Variants in ANKRD35 observed in about 807,000 individuals in gnomAD.
ANKRD35 encodes the protein ankyrin repeat domain-containing protein 35.
A neutral mutation model predicts 109.9 loss-of-function variants in ANKRD35; 102 were observed. The observed-to-expected ratio is 0.93, with a 90% CI of 0.79 to 1.09. The LOEUF is 1.09. Ranked by LOEUF, ANKRD35 falls within the 50% of genes least tolerant of loss-of-function variation. The probability of loss-of-function intolerance (pLI) is 0.00; values close to 1 mark genes in which losing one functional copy is unlikely to be tolerated. For missense variants in ANKRD35, 1,240 were observed against 1,230.1 expected (o/e 1.01, Z -0.12); for synonymous variants, 515 against 512.4 (o/e 1.01, Z -0.07).
intron 10 of ANKRD35, among the ~76,000 whole-genome samples, chr1:145,871,167 T>C (rs1226338779): frequency 3.3e-5 from 4 of 121,958 alleles, no homozygotes; most frequent in Non-Finnish European, 5.2e-5. Flanking sequence ...TTTTTTTTTT[T>C]TTTTTTTTTT....
Position 145,872,809 on chromosome 1 carries a change from G to GCTGC in ANKRD35, c.1956_1959dup (p.Arg654AlafsTer27), listed in dbSNP as rs1313617106. The GCTGC allele has an allele frequency of 6.2e-7, 1 of 1,613,770 alleles. No homozygotes were observed. The highest frequency in any genetic ancestry group is 8.5e-7 in the Non-Finnish European group (1 of 1,179,932). ...GCCTGTGGCTTGGGCACAAACTCCC[G>GCTGC]CTGCAGCCGCTGGCTCAGGGACTGT... On this transcript the variant is annotated frameshift_variant, in exon 10 of 14. Transcript: ENST00000355594. LOFTEE classifies it high-confidence loss of function.
intron 7 of ANKRD35, 137 bp downstream of exon 7, chr1:145,876,003 G>A: frequency 2.9e-6 from 2 of 689,336 alleles, no homozygotes; most frequent in Middle Eastern, 2.4e-4. Context: ...GGGAAGGAAT[G>A]AGGTTCCCAA....
At chr1:145,869,828 A>G (rs1653744915) in intron 10 of ANKRD35, among the ~76,000 whole-genome samples, 1 of 152,222 alleles carries the variant, frequency 6.6e-6, no homozygotes, top group Non-Finnish European at 1.5e-5. Context: ...GTAATTTGTC[A>G]AAATCACACA....
At chr1:145,869,966 T>C (rs1653748051) in intron 10 of ANKRD35, among the ~76,000 whole-genome samples, 1 of 152,178 alleles carries the variant, frequency 6.6e-6, no homozygotes, top group Non-Finnish European at 1.5e-5. Flanking sequence ...AGATGAGTCC[T>C]TATGGCTTAT....
chr1:145,868,198 C>G (rs200198329), intron 11 of ANKRD35, 113 bp downstream of exon 11: 2 of 1,477,614 alleles, frequency 1.4e-6, no homozygotes, highest in East Asian at 4.5e-5. Context: ...CTAGCCAGGC[C>G]TCTGTAATTC....
intron 4 of ANKRD35, 149 bp from the exon 5 acceptor site, chr1:145,877,022 A>G (rs1654106766): frequency 1.4e-6 from 1 of 727,794 alleles, no homozygotes; most frequent in African/African-American, 1.7e-5. Flanking sequence ...AGCCCAGTTC[A>G]TCCATTGCTG....
At chr1:145,883,890 A>G (rs1303200970) in intron 1 of ANKRD35, among the ~76,000 whole-genome samples, 1 of 152,240 alleles carries the variant, frequency 6.6e-6, no homozygotes, top group Non-Finnish European at 1.5e-5. Flanking sequence ...TTCCAGCTAG[A>G]TAATTCTAAA....
At chr1:145,867,264 A>C in intron 13 of ANKRD35, 23 bp downstream of exon 13, 1 of 1,512,862 alleles carries the variant, frequency 6.6e-7, no homozygotes, top group South Asian at 1.1e-5. Flanking sequence ...TCCTTCCCTC[A>C]TCACCCTTAA....
chr1:145,868,269 T>C, intron 11 of ANKRD35, 42 bp downstream of exon 11: 1 of 1,595,568 alleles, frequency 6.3e-7, no homozygotes, highest in Non-Finnish European at 8.6e-7. Flanking sequence ...CTTCCACTGC[T>C]GACCTTCTTC....
At position 145,872,144 on chromosome 1, in the gene ANKRD35, G is replaced by A. The variant is rs1553738805; in HGVS notation, c.2625C>T (p.Ala875=). The part of the protein sequence containing the change: ...REVGRLREAV[A]EERRRSGDLA... Reference sequence around the variant, plus strand: ...GGTCCCCGCTCCGGCGGCGCTCCTCGGCCACCGCCTCCCGCAGCCGACCCA... The same window carrying A: ...GGTCCCCGCTCCGGCGGCGCTCCTCAGCCACCGCCTCCCGCAGCCGACCCA... Residue 875 remains alanine (A), a synonymous_variant, in exon 10 of 14, where the codon GCC becomes GCT. Transcript: ENST00000355594. 1.9e-6 allele frequency: 3 copies of A among 1,609,148 alleles called. No individual in the cohort carries two copies. The highest frequency in any genetic ancestry group is 1.1e-5 in the South Asian group (1 of 90,720).
At position 145,874,959 on chromosome 1, in the gene ANKRD35, T is replaced by C; in HGVS notation, c.608A>G (p.Glu203Gly). 3.7e-6 allele frequency: 6 copies of C among 1,612,826 alleles called. No individual in the cohort carries two copies. In the South Asian group the frequency reaches 6.6e-5, roughly 18 times the overall value. Residue 203 changes from glutamate to glycine, a missense_variant, in exon 8 of 14, where the codon GAA becomes GGA. Glu to Gly is a moderately conservative substitution (Grantham distance 98). Transcript: ENST00000355594. ...ACEKGSAEVA[E>G]LLLSHGADAG... The stretch of plus-strand genomic sequence containing the variant: ...GTCAGCTCCGTGGCTCAGGAGCAGT[T>C]CAGCCACCTCGGCACTGCCTTTCTC...
chr1:145,872,975 G>A lies in ANKRD35; in HGVS notation c.1794C>T (p.Ala598=), dbSNP rs368911005. 3.7e-6 allele frequency: 6 copies of A among 1,608,668 alleles called. No homozygotes were observed. Among genetic ancestry groups the A allele is most frequent in the Non-Finnish European group, 4.2e-6 (5 of 1,177,750 alleles). Residue 598 remains alanine (A), a synonymous_variant, in exon 10 of 14, where the codon GCC becomes GCT. Transcript: ENST00000355594. ...CTCCTAGGGCCTTTTCCCCTCCAAG[G>A]GCCCCTAGAGGCTCTCCTTGAGCCC... is the stretch of plus-strand genomic sequence containing the variant. ...VPGAQGEPLG[A]LGGEKALGGL...
intron 1 of ANKRD35, among the ~76,000 whole-genome samples, chr1:145,881,411 T>C (rs1047971000): frequency 3.3e-5 from 5 of 152,182 alleles, no homozygotes; most frequent in African/African-American, 1.2e-4. Flanking sequence ...CAGTCTCAAG[T>C]TGCCTCCAGG....
intron 10 of ANKRD35, among the ~76,000 whole-genome samples, chr1:145,870,058 A>G (rs1653752212): frequency 6.6e-6 from 1 of 150,844 alleles, no homozygotes; most frequent in Admixed American, 6.6e-5. Context: ...GCTACCTTTT[A>G]CTGAGTACTT....
rs782434424 is a variant in ANKRD35 at position 145,873,803 on chromosome 1, C to A, written c.966G>T (p.Glu322Asp). Residue 322 changes from glutamate to aspartate, a missense_variant, in exon 10 of 14, where the codon GAG (glutamate) becomes GAT (aspartate). Coordinates refer to ENST00000355594, the MANE Select transcript of ANKRD35 (RefSeq NM_144698.5). ...GATAGGCTGCAGCTTGAGTCTTACACTCTTCTGTCTTTTGCACCAGCTCCT... is the reference window on the plus strand; with the variant it reads ...GATAGGCTGCAGCTTGAGTCTTACAATCTTCTGTCTTTTGCACCAGCTCCT... ...LEQELVQKTE[E>D]CKTQAAAYLD... The A allele has an allele frequency of 1.2e-6, 2 of 1,608,958 alleles. No individual in the cohort carries two copies. Among genetic ancestry groups the A allele is most frequent in the South Asian group, 2.2e-5 (2 of 90,472 alleles).
At chr1:145,870,370 T>G (rs11582069) in intron 10 of ANKRD35, among the ~76,000 whole-genome samples, 82,682 of 151,844 alleles carry the variant, frequency 0.54, 24,493 homozygotes, top group African/African-American at 0.77. Flanking sequence ...GGGATTACAG[T>G]CATGAGCCAC....
chr1:145,871,158 T>C (rs12749964), intron 10 of ANKRD35, among the ~76,000 whole-genome samples: 6 of 72,500 alleles, frequency 8.3e-5, no homozygotes, highest in Non-Finnish European at 1.3e-4. Flanking sequence ...TTTTTCTTTT[T>C]TTTTTTTTTT....
chr1:145,880,762 TA>T (rs1345038593), intron 1 of ANKRD35, among the ~76,000 whole-genome samples: 1 of 152,238 alleles, frequency 6.6e-6, no homozygotes, highest in Non-Finnish European at 1.5e-5. Context: ...AGGAAAGCTC[TA>T]AATATCCAAA....
At position 145,876,259 on chromosome 1, in the gene ANKRD35, T is replaced by C. The variant is rs2101711553; in HGVS notation, c.454-13A>G. 1 of 1,602,552 alleles carries C rather than the reference T, an allele frequency of 6.2e-7. No homozygotes were observed. The highest frequency in any genetic ancestry group is 8.5e-7 in the Non-Finnish European group (1 of 1,170,864). The stretch of plus-strand genomic sequence containing the variant: ...GTGTACGTCCATCCTGCACAGATTG[T>C]AGGAAGAGGTTCATGAGCAGCCAGG... On this transcript the variant is annotated splice_polypyrimidine_tract_variant and intron_variant, in intron 6 of 13. Coordinates refer to ENST00000355594, the MANE Select transcript of ANKRD35 (RefSeq NM_144698.5).
Sources: allele counts gnomAD v4.1 joint callset (sites outside exome capture counted in the v4.1 genomes callset), GRCh38; gene constraint gnomAD v4.1.1; transcripts MANE v1.5; gene names NCBI Gene and HGNC (gene_info 2026-07-23, HGNC 2026-07-21).